The following SEMA3A variants were observed in gnomAD, a reference collection of about 807,000 sequenced individuals.
SEMA3A encodes semaphorin 3A, also known as semaphorin-3A.
A neutral mutation model predicts 97.9 loss-of-function variants in SEMA3A; 29 were observed. That is an observed-to-expected ratio of 0.30 (90% CI 0.22 to 0.40). The LOEUF is 0.40. SEMA3A is among the 10% of genes least tolerant of loss of function. The pLI is 1.00. For missense variants in SEMA3A, 763 were observed against 951.3 expected, an observed-to-expected ratio of 0.80 and a Z score of 2.60; for synonymous variants, 321 against 323.7, an observed-to-expected ratio of 0.99 and a Z score of 0.09.
intron 5 of SEMA3A, among the ~76,000 whole-genome samples, chr7:84,052,112 C>T (rs1275361235): frequency 6.6e-6 from 1 of 152,082 alleles, no homozygotes; most frequent in East Asian, 1.9e-4. Flanking sequence ...ATTCGGTTTG[C>T]CAGTATTTTA....
At chr7:84,189,884 T>A (rs1797988245) in intron 1 of SEMA3A, among the ~76,000 whole-genome samples, 1 of 151,616 alleles carries the variant, frequency 6.6e-6, no homozygotes, top group Non-Finnish European at 1.5e-5. Flanking sequence ...AAAGGAAAAT[T>A]AGATATCACA....
At chr7:84,469,014 AT>A (rs1455664788) in intron 1 of SEMA3A, among the ~76,000 whole-genome samples, 2 of 152,078 alleles carry the variant, frequency 1.3e-5, no homozygotes, top group African/African-American at 2.4e-5. Flanking sequence ...ATGTAAAGAA[AT>A]TTTTTGATCC....
chr7:84,153,499 A>T (rs951803285), intron 1 of SEMA3A, among the ~76,000 whole-genome samples: 9 of 152,086 alleles, frequency 5.9e-5, no homozygotes, highest in Admixed American at 5.2e-4. Context: ...TAAAAGGTGA[A>T]TTTTTTCCCC....
At chr7:84,474,895 G>A (rs1360108285) in intron 1 of SEMA3A, among the ~76,000 whole-genome samples, 1 of 151,678 alleles carries the variant, frequency 6.6e-6, no homozygotes, top group Admixed American at 6.6e-5. Context: ...GAACGCTTTG[G>A]AGAAATATTA....
intron 1 of SEMA3A, among the ~76,000 whole-genome samples, chr7:84,471,411 T>G (rs919204537): frequency 4.6e-5 from 7 of 152,112 alleles, no homozygotes; most frequent in African/African-American, 1.7e-4. Flanking sequence ...CTAAAGGAGA[T>G]ATTTAAGTAT....
chr7:83,979,334 A>C (rs2109706), intron 14 of SEMA3A, among the ~76,000 whole-genome samples: 59,958 of 151,872 alleles, frequency 0.39, 12,364 homozygotes, highest in Middle Eastern at 0.49. Flanking sequence ...GGGTTTCACC[A>C]TGCTGGCCAG....
At chr7:84,057,197 T>A (rs1793019838) in intron 5 of SEMA3A, among the ~76,000 whole-genome samples, 1 of 152,172 alleles carries the variant, frequency 6.6e-6, no homozygotes, top group African/African-American at 2.4e-5. Context: ...TAGGTCTCAA[T>A]AATACCTCTT....
At chr7:84,370,602 G>A (rs1465726795) in intron 2 of SEMA3A, among the ~76,000 whole-genome samples, 3 of 151,496 alleles carry the variant, frequency 2.0e-5, no homozygotes, top group African/African-American at 7.3e-5. Context: ...TTTTCTTATT[G>A]TCTCAAAGCC....
At chr7:84,171,769 G>C (rs1416563031) in intron 1 of SEMA3A, among the ~76,000 whole-genome samples, 2 of 151,670 alleles carry the variant, frequency 1.3e-5, no homozygotes, top group Non-Finnish European at 2.9e-5. Context: ...ATATATTAAG[G>C]GAGGACCAAA....
chr7:84,294,454 A>G (rs549439068), intron 3 of SEMA3A, among the ~76,000 whole-genome samples: 6 of 152,130 alleles, frequency 3.9e-5, no homozygotes, highest in Admixed American at 3.3e-4. Context: ...TCAGTTTTAT[A>G]TTAGGATATT....
intron 1 of SEMA3A, among the ~76,000 whole-genome samples, chr7:84,391,288 A>C (rs759785674): frequency 1.3e-5 from 2 of 152,166 alleles, no homozygotes; most frequent in Non-Finnish European, 2.9e-5. Context: ...ATTAAAGGCA[A>C]ATAGACAAGA....
intron 3 of SEMA3A, among the ~76,000 whole-genome samples, chr7:84,126,369 C>G (rs1795793869): frequency 6.6e-6 from 1 of 152,020 alleles, no homozygotes. Context: ...CCACGCCTGG[C>G]TAATTTTTGT....
At chr7:83,972,640 C>T (rs1359861455) in intron 15 of SEMA3A, among the ~76,000 whole-genome samples, 1 of 151,980 alleles carries the variant, frequency 6.6e-6, no homozygotes, top group African/African-American at 2.4e-5. Flanking sequence ...AAATACCATC[C>T]TGTATTTTAA....
chr7:84,425,824 C>CATAT (rs201313923), intron 1 of SEMA3A, among the ~76,000 whole-genome samples: 9,744 of 140,272 alleles, frequency 0.069, 363 homozygotes, highest in East Asian at 0.13. Context: ...TACAATATAT[C>CATAT]ATATATATAT....
At chr7:84,140,356 T>A (rs964615066) in intron 1 of SEMA3A, among the ~76,000 whole-genome samples, 3 of 152,144 alleles carry the variant, frequency 2.0e-5, no homozygotes, top group Non-Finnish European at 4.4e-5. Flanking sequence ...CTTTTTATAG[T>A]GGGAGGAAGA....
chr7:84,267,412 C>A (rs553142519), intron 3 of SEMA3A, among the ~76,000 whole-genome samples: 14 of 151,998 alleles, frequency 9.2e-5, no homozygotes, highest in Non-Finnish European at 1.8e-4. Flanking sequence ...ATTCCCAGAA[C>A]GTATTACTTT....
At chr7:84,079,480 T>C (rs1794074272) in intron 4 of SEMA3A, among the ~76,000 whole-genome samples, 1 of 151,408 alleles carries the variant, frequency 6.6e-6, no homozygotes, top group Non-Finnish European at 1.5e-5. Context: ...ATCCAGAATC[T>C]ACAATGAACT....
intron 5 of SEMA3A, among the ~76,000 whole-genome samples, chr7:84,060,080 A>G (rs1269814199): frequency 1.3e-5 from 2 of 152,172 alleles, no homozygotes; most frequent in Non-Finnish European, 2.9e-5. Flanking sequence ...AGATTTTCCA[A>G]AAAAGAAGAG....
intron 4 of SEMA3A, among the ~76,000 whole-genome samples, chr7:84,087,378 A>G (rs1426756369): frequency 1.3e-5 from 2 of 152,222 alleles, no homozygotes; most frequent in African/African-American, 2.4e-5. Flanking sequence ...TAGTGTGTAG[A>G]CATGGAGTCA....
Sources: gnomAD v4.1 joint callset for allele counts (sites outside exome capture counted in the v4.1 genomes callset) on GRCh38, gnomAD v4.1.1 for gene constraint, MANE v1.5 for transcripts, NCBI Gene and HGNC (gene_info 2026-07-23, HGNC 2026-07-21) for gene names.